Variants in PDE4B observed in about 807,000 individuals in gnomAD.
PDE4B encodes the protein 3',5'-cyclic-AMP phosphodiesterase 4B.
Under a neutral mutation model 82.2 loss-of-function variants are expected in PDE4B, and 20 were observed. The observed-to-expected ratio is 0.24, with a 90% confidence interval of 0.17 to 0.35. The LOEUF (loss-of-function observed/expected upper bound fraction) is 0.35, where lower values mean the gene tolerates loss of function less well. PDE4B is among the 10% of genes least tolerant of loss of function. The pLI, the probability that PDE4B is intolerant of heterozygous loss-of-function variation, is 1.00. For synonymous variants in PDE4B, 320 were observed against 318.9 expected (o/e 1.00, Z -0.04); for missense variants, 655 against 907.2 (o/e 0.72, Z 3.57).
intron 3 of PDE4B, among the ~76,000 whole-genome samples, chr1:66,127,587 TTG>T (rs901377139): frequency 6.6e-6 from 1 of 152,152 alleles, no homozygotes; most frequent in Admixed American, 6.5e-5. Context: ...TTAACCTGTC[TTG>T]TGCCCCACCT....
chr1:65,937,620 C>CTGAATTT (rs1396193481), intron 3 of PDE4B, among the ~76,000 whole-genome samples: 1 of 152,292 alleles, frequency 6.6e-6, no homozygotes, highest in South Asian at 2.1e-4. Context: ...GCTACAGAAA[C>CTGAATTT]TGAATTTGTG....
intron 3 of PDE4B, among the ~76,000 whole-genome samples, chr1:66,187,740 C>A (rs1647310261): frequency 6.6e-6 from 1 of 151,760 alleles, no homozygotes. Context: ...CTTTATTAGT[C>A]TTGCTAGCGG....
chr1:65,797,780 A>G (rs1645648020), intron 1 of PDE4B, among the ~76,000 whole-genome samples: 1 of 152,124 alleles, frequency 6.6e-6, no homozygotes, highest in African/African-American at 2.4e-5. Flanking sequence ...CAGACAAGGA[A>G]TGAGCCTACC....
chr1:65,994,193 C>T lies in PDE4B; in HGVS notation c.281+75358C>T, dbSNP rs566882312. ...GATCTGATTTTTAAAAATTAATATT[C>T]ACTTGAATTATTTTCTACTTATCTA... On this transcript the variant is annotated intron_variant, in intron 3 of 16. Coordinates refer to ENST00000341517, the MANE Select transcript of PDE4B (RefSeq NM_002600.4). 2.6e-5 allele frequency among the ~76,000 whole-genome samples: 4 copies of T among 152,210 alleles called. No individual in the cohort carries two copies. In the South Asian group the frequency reaches 8.3e-4, roughly 32 times the overall value.
At chr1:65,997,481 A>G (rs1002216213) in intron 3 of PDE4B, among the ~76,000 whole-genome samples, 5 of 152,198 alleles carry the variant, frequency 3.3e-5, no homozygotes, top group Non-Finnish European at 7.3e-5. Flanking sequence ...AGAATAGGAA[A>G]AAAAACAGTG....
intron 3 of PDE4B, among the ~76,000 whole-genome samples, chr1:65,959,383 A>C (rs1649432483): frequency 6.6e-6 from 1 of 152,094 alleles, no homozygotes; most frequent in Non-Finnish European, 1.5e-5. Flanking sequence ...TATTACTGAG[A>C]AATAGGTAGG....
At chr1:66,182,191 C>T (rs957314416) in intron 3 of PDE4B, among the ~76,000 whole-genome samples, 6 of 152,170 alleles carry the variant, frequency 3.9e-5, no homozygotes, top group African/African-American at 1.2e-4. Flanking sequence ...TCAGTTGTCA[C>T]AGGGTTTTTC....
chr1:66,158,234 A>T (rs897395550), intron 3 of PDE4B, among the ~76,000 whole-genome samples: 1 of 152,192 alleles, frequency 6.6e-6, no homozygotes, highest in Non-Finnish European at 1.5e-5. Flanking sequence ...CTTAAAAGCT[A>T]CTGCACAGCA....
intron 3 of PDE4B, among the ~76,000 whole-genome samples, chr1:66,219,620 T>C (rs1158036925): frequency 6.6e-6 from 1 of 152,154 alleles, no homozygotes; most frequent in Non-Finnish European, 1.5e-5. Flanking sequence ...GTTTTAATGA[T>C]GGCTGGGTTG....
chr1:66,150,464 G>A (rs1029045495), intron 3 of PDE4B, among the ~76,000 whole-genome samples: 1 of 152,108 alleles, frequency 6.6e-6, no homozygotes, highest in Non-Finnish European at 1.5e-5. Context: ...CTATTTACAA[G>A]ATTATGACAT....
chr1:65,836,298 T>G (rs1646139035), intron 1 of PDE4B, among the ~76,000 whole-genome samples: 1 of 152,186 alleles, frequency 6.6e-6, no homozygotes, highest in South Asian at 2.1e-4. Context: ...CCGCTATCCT[T>G]ACCATGTCCC....
Position 65,808,418 on chromosome 1 carries a change from C to A in PDE4B, c.-71+15170C>A, listed in dbSNP as rs1453313872. ...CTTCTGGTCTCAAGCAATTCTCCTG[C>A]CTCAGCTTCCCAAAGTGCTGAGATT... On this transcript the variant is annotated intron_variant, in intron 1 of 16. Transcript: ENST00000341517. 2.0e-5 allele frequency among the ~76,000 whole-genome samples: 3 copies of A among 152,158 alleles called. 1 individual carries two copies. Among genetic ancestry groups the A allele is most frequent in the South Asian group, 4.1e-4 (2 of 4,820 alleles).
Position 66,259,846 on chromosome 1 carries a change from ATGTTTTTTTCTT to A in PDE4B, c.584+1987_584+1998del, listed in dbSNP as rs1192534940. The stretch of plus-strand genomic sequence containing the variant: ...TATTTGCAGGATTGATTCCTTCTCT[ATGTTTTTTTCTT>A]TGTAGAATATGGCCTCTGGCTTCAT... On this transcript the variant is annotated intron_variant, in intron 6 of 16. Transcript: ENST00000341517. 2.0e-5 allele frequency among the ~76,000 whole-genome samples: 3 copies of A among 152,218 alleles called. No individual in the cohort carries two copies. The South Asian group carries it at 6.2e-4, about 32-fold the overall frequency.
chr1:66,043,069 A>T (rs1654473805), intron 3 of PDE4B, among the ~76,000 whole-genome samples: 1 of 151,698 alleles, frequency 6.6e-6, no homozygotes, highest in African/African-American at 2.4e-5. Flanking sequence ...AGCTTTAGGG[A>T]GGTCTCATTA....
intron 8 of PDE4B, among the ~76,000 whole-genome samples, chr1:66,350,768 C>A (rs1661762324): frequency 6.6e-6 from 1 of 152,134 alleles, no homozygotes; most frequent in African/African-American, 2.4e-5. Flanking sequence ...CAAACTAATT[C>A]TCCCATGAGA....
At chr1:66,099,531 T>C (rs1242994605) in intron 3 of PDE4B, among the ~76,000 whole-genome samples, 1 of 152,158 alleles carries the variant, frequency 6.6e-6, no homozygotes, top group Non-Finnish European at 1.5e-5. Context: ...CCTTTTTCTT[T>C]ATGTCATTTT....
rs79165512 is a variant in PDE4B at position 66,221,311 on chromosome 1, C to G, written c.282-26149C>G. Among the ~76,000 whole-genome samples the G allele has an allele frequency of 8.4e-4, 128 of 152,254 alleles. 1 individual carries two copies. The East Asian group carries it at 0.014, about 17-fold the overall frequency. The stretch of plus-strand genomic sequence containing the variant: ...TGTTTGACCTACCTCGGATCACATG[C>G]AAGCCCCTTGTTTAGGTTGTGTAGA... On this transcript the variant is annotated intron_variant, in intron 3 of 16. Transcript: ENST00000341517.
intron 3 of PDE4B, among the ~76,000 whole-genome samples, chr1:65,928,052 G>A (rs542784044): frequency 6.6e-6 from 1 of 152,314 alleles, no homozygotes; most frequent in East Asian, 1.9e-4. Context: ...GTGTCCACTA[G>A]TTCCTTAAAT....
At chr1:66,020,895 T>C (rs1378630868) in intron 3 of PDE4B, among the ~76,000 whole-genome samples, 1 of 152,222 alleles carries the variant, frequency 6.6e-6, no homozygotes, top group Non-Finnish European at 1.5e-5. Flanking sequence ...CGCCATACTG[T>C]CTTCCACAAT....
Sources: allele counts gnomAD v4.1 joint callset (sites outside exome capture counted in the v4.1 genomes callset), GRCh38; gene constraint gnomAD v4.1.1; transcripts MANE v1.5; gene names NCBI Gene and HGNC (gene_info 2026-07-23, HGNC 2026-07-21).